Variants in CDADC1 observed in about 807,000 individuals in gnomAD.
CDADC1 encodes cytidine and dCMP deaminase domain containing 1, also known as dCTP deaminase.
In CDADC1, 39 loss-of-function variants were observed where a neutral mutation model predicts 54.9. That is an observed-to-expected ratio of 0.71 (90% CI 0.55 to 0.93). CDADC1 has a LOEUF of 0.93. Ranked by LOEUF, CDADC1 falls within the 40% of genes least tolerant of loss-of-function variation. The pLI, the probability that CDADC1 is intolerant of heterozygous loss-of-function variation, is 0.00. For missense variants in CDADC1, 518 were observed against 618.8 expected (o/e 0.84, Z 1.73); for synonymous variants, 186 against 204.0 (o/e 0.91, Z 0.75).
chr13:49,257,033 C>T (rs1952563307), intron 3 of CDADC1, among the ~76,000 whole-genome samples: 1 of 152,092 alleles, frequency 6.6e-6, no homozygotes, highest in African/African-American at 2.4e-5. Context: ...TTCAGAGCAG[C>T]GATTCACTGA....
Position 49,274,347 on chromosome 13 carries a change from A to T in CDADC1, c.1050+7A>T. On this transcript the variant is annotated splice_region_variant and intron_variant, in intron 6 of 9. Transcript: ENST00000251108. ...TTGGGCAGAAGGGAAATCTGTAAGTATGAAAACAATTCTTTAAATATTTAA... is the reference window on the plus strand; with the variant it reads ...TTGGGCAGAAGGGAAATCTGTAAGTTTGAAAACAATTCTTTAAATATTTAA... 1 of 1,604,692 alleles carries T rather than the reference A, an allele frequency of 6.2e-7. No individual in the cohort carries two copies. Among genetic ancestry groups the T allele is most frequent in the South Asian group, 1.1e-5 (1 of 90,650 alleles).
intron 8 of CDADC1, among the ~76,000 whole-genome samples, chr13:49,282,785 T>C (rs1044700384): frequency 6.6e-6 from 1 of 152,260 alleles, no homozygotes; most frequent in Non-Finnish European, 1.5e-5. Flanking sequence ...TAGATTCTCA[T>C]GTGAGTGTGA....
intron 7 of CDADC1, 105 bp downstream of exon 7, chr13:49,278,624 A>G (rs530681272): frequency 3.0e-4 from 286 of 940,074 alleles, no homozygotes; most frequent in Non-Finnish European, 3.9e-4. Context: ...ATTCCAAGAA[A>G]GTTTCCTTTC....
intron 2 of CDADC1, among the ~76,000 whole-genome samples, chr13:49,252,498 T>C (rs1360361684): frequency 6.6e-6 from 1 of 152,248 alleles, no homozygotes; most frequent in African/African-American, 2.4e-5. Context: ...GTATATTTAA[T>C]GTCAATAAAG....
intron 5 of CDADC1, among the ~76,000 whole-genome samples, chr13:49,269,449 CAG>C (rs1292691433): frequency 1.3e-5 from 2 of 152,188 alleles, no homozygotes; most frequent in South Asian, 2.1e-4. Context: ...CTGATGTTCG[CAG>C]AGTTAATAAT....
chr13:49,268,648 C>T (rs1172066929), intron 5 of CDADC1, among the ~76,000 whole-genome samples: 1 of 152,046 alleles, frequency 6.6e-6, no homozygotes, highest in African/African-American at 2.4e-5. Flanking sequence ...TCCAGAGACA[C>T]AGCAAGACTC....
chr13:49,251,786 T>C (rs2138191401), intron 2 of CDADC1, among the ~76,000 whole-genome samples: 1 of 152,306 alleles, frequency 6.6e-6, no homozygotes, highest in African/African-American at 2.4e-5. Flanking sequence ...TTCAAAACTA[T>C]ATTAGCAACA....
rs556566818 is a variant in CDADC1 at position 49,291,201 on chromosome 13, G to A, written c.1472-483G>A. ...TTTTTTTTTGAGACAGGGTCTCGCT[G>A]TGTCACCCAGGCTGGAATGCAGTGG... On this transcript the variant is annotated intron_variant, in intron 9 of 9. Coordinates refer to ENST00000251108, the MANE Select transcript of CDADC1 (RefSeq NM_030911.4). 9.0e-5 allele frequency among the ~76,000 whole-genome samples: 13 copies of A among 143,916 alleles called. No homozygotes were observed. In the East Asian group the frequency reaches 2.6e-3, roughly 29 times the overall value. The allele number at this position is 143,916 out of a possible 152,430, so 94.4% of individuals were successfully genotyped here.
intron 4 of CDADC1, among the ~76,000 whole-genome samples, chr13:49,260,925 A>T (rs1394245236): frequency 6.6e-6 from 1 of 152,208 alleles, no homozygotes; most frequent in Non-Finnish European, 1.5e-5. Context: ...CTTAAGCTTG[A>T]TCTTGATGCG....
intron 7 of CDADC1, among the ~76,000 whole-genome samples, chr13:49,279,928 A>T (rs1953268180): frequency 6.6e-6 from 1 of 152,250 alleles, no homozygotes; most frequent in Non-Finnish European, 1.5e-5. Context: ...AGAGGTGTGA[A>T]TATATCAAAT....
chr13:49,285,202 A>G (rs141297513), intron 8 of CDADC1, among the ~76,000 whole-genome samples: 19,788 of 138,792 alleles, frequency 0.14, 1,631 homozygotes, highest in Admixed American at 0.24. Context: ...TTTGTGAGAC[A>G]GAGTCTTGCT....
At chr13:49,280,824 A>ATTATTATTATTT (rs1351970541) in intron 8 of CDADC1, 126 bp downstream of exon 8, 3 of 221,110 alleles carry the variant, frequency 1.4e-5, no homozygotes, top group Non-Finnish European at 2.5e-5. Flanking sequence ...TATTATTATT[A>ATTATTATTATTT]TTATTATTAT....
chr13:49,292,038 T>C lies in CDADC1; in HGVS notation c.*281T>C. Reference sequence around the variant, plus strand: ...AATCACCAACAGGGACTGATTTCTATTTATCTTGACTTTATATTAGCCAAT... The same window carrying C: ...AATCACCAACAGGGACTGATTTCTACTTATCTTGACTTTATATTAGCCAAT... On this transcript the variant is annotated 3_prime_UTR_variant, in exon 10 of 10. Transcript: ENST00000251108. The C allele has an allele frequency of 8.7e-7, 1 of 1,145,150 alleles. No individual in the cohort carries two copies. The highest frequency in any genetic ancestry group is 1.1e-6 in the Non-Finnish European group (1 of 928,502). 70.9% of individuals were successfully genotyped at this position (1,145,150 alleles called of 1,614,324 possible). A position where few individuals can be genotyped will look rare whatever the true frequency, so the allele number is the denominator to read the frequency against.
chr13:49,284,530 C>G (rs899367090), intron 8 of CDADC1, among the ~76,000 whole-genome samples: 1 of 152,118 alleles, frequency 6.6e-6, no homozygotes, highest in Non-Finnish European at 1.5e-5. Flanking sequence ...CTTGTTTTTA[C>G]TTTGTCTGCC....
intron 8 of CDADC1, among the ~76,000 whole-genome samples, chr13:49,285,845 G>C (rs896198048): frequency 1.4e-5 from 2 of 147,216 alleles, no homozygotes; most frequent in African/African-American, 5.0e-5. Context: ...ATGGAGGCTT[G>C]CTCTGTCACC....
chr13:49,250,356 G>C (rs1952397534), intron 2 of CDADC1, among the ~76,000 whole-genome samples: 1 of 152,198 alleles, frequency 6.6e-6, no homozygotes, highest in Non-Finnish European at 1.5e-5. Flanking sequence ...ATTTTCTAAT[G>C]AGTAGAAACA....
intron 5 of CDADC1, among the ~76,000 whole-genome samples, chr13:49,271,349 G>A (rs719614): frequency 0.3 from 44,895 of 152,074 alleles, 6,756 homozygotes; most frequent in East Asian, 0.5. Flanking sequence ...TGATCTCTTC[G>A]TGTCTTGCTT....
Position 49,286,310 on chromosome 13 carries a change from T to G in CDADC1, c.1471+28T>G, listed in dbSNP as rs537917316. 9.1e-6 allele frequency: 14 copies of G among 1,541,998 alleles called. 1 individual carries two copies. In the South Asian group the frequency reaches 1.6e-4, roughly 17 times the overall value. On this transcript the variant is annotated intron_variant, in intron 9 of 9. Transcript: ENST00000251108. ...AAGTATTTATGTATTGAGGTGAACT[T>G]TGTTGCTGAGGAGAAAGGATATACA...
At chr13:49,276,178 C>A (rs1785015742) in intron 6 of CDADC1, among the ~76,000 whole-genome samples, 1 of 152,054 alleles carries the variant, frequency 6.6e-6, no homozygotes, top group African/African-American at 2.4e-5. Flanking sequence ...AATATTAAAT[C>A]TTCAAAATTC....
Sources: gnomAD v4.1 joint callset for allele counts (sites outside exome capture counted in the v4.1 genomes callset) on GRCh38, gnomAD v4.1.1 for gene constraint, MANE v1.5 for transcripts, NCBI Gene and HGNC (gene_info 2026-07-23, HGNC 2026-07-21) for gene names.